FLYWCH2: variants seen among roughly 807,000 people sequenced by gnomAD.
FLYWCH2 encodes the protein FLYWCH family member 2.
In FLYWCH2, 2 loss-of-function variants were observed where a neutral mutation model predicts 6.0. The ratio of observed to expected loss-of-function variants is 0.33; its 90% CI spans 0.14 to 1.04. FLYWCH2 has a LOEUF of 1.04. FLYWCH2 is among the 50% of genes least tolerant of loss of function. FLYWCH2 has a pLI of 0.45. For missense variants in FLYWCH2, 192 were observed against 183.4 expected, an observed-to-expected ratio of 1.05 and a Z score of -0.27; for synonymous variants, 87 against 79.3, an observed-to-expected ratio of 1.10 and a Z score of -0.52.
chr16:2,884,303 G>T (rs1425463265), intron 1 of FLYWCH2, among the ~76,000 whole-genome samples: 1 of 152,056 alleles, frequency 6.6e-6, no homozygotes, highest in Non-Finnish European at 1.5e-5. Flanking sequence ...TCCCCCGTGC[G>T]TATGAAGATG....
At chr16:2,886,906 C>T (rs2069705046) in intron 1 of FLYWCH2, among the ~76,000 whole-genome samples, 2 of 152,068 alleles carry the variant, frequency 1.3e-5, no homozygotes, top group Admixed American at 1.3e-4. Context: ...AGTCCCTTAT[C>T]AGATATATGA....
At position 2,895,303 on chromosome 16, in the gene FLYWCH2, C is replaced by CACT. The variant is rs2069806470; in HGVS notation, c.-114_-112dup. 6.6e-6 allele frequency: 1 copy of CACT among 152,342 alleles called. No homozygotes were observed. Among genetic ancestry groups the CACT allele is most frequent in the African/African-American group, 2.4e-5 (1 of 41,452 alleles). 9.4% of individuals were successfully genotyped at this position (152,342 alleles called of 1,614,324 possible). On this transcript the variant is annotated 5_prime_UTR_variant, in exon 2 of 4. Coordinates refer to ENST00000396958, the MANE Select transcript of FLYWCH2 (RefSeq NM_138439.3). ...CCCCACCCAGCCAGGGCAGCGCCAGCACTAGCTCAGACGCAAGGTTGGTGT... is the reference window on the plus strand; with the variant it reads ...CCCCACCCAGCCAGGGCAGCGCCAGCACTACTAGCTCAGACGCAAGGTTGGTGT...
chr16:2,891,787 G>A (rs952968621), intron 1 of FLYWCH2, among the ~76,000 whole-genome samples: 4 of 151,962 alleles, frequency 2.6e-5, no homozygotes, highest in Admixed American at 2.6e-4. Flanking sequence ...CGAACTCCTG[G>A]GCTTAAGTGA....
intron 1 of FLYWCH2, among the ~76,000 whole-genome samples, chr16:2,893,634 C>CTTTTTT (rs35147234): frequency 1.8e-5 from 2 of 111,926 alleles, no homozygotes; most frequent in East Asian, 2.7e-4. Context: ...TTCTTTTCTT[C>CTTTTTT]TTTTTTTTTT....
At chr16:2,895,422 C>G (rs186353986) in intron 2 of FLYWCH2, 102 bp downstream of exon 2, 1 of 152,142 alleles carries the variant, frequency 6.6e-6, no homozygotes, top group Non-Finnish European at 1.5e-5. Flanking sequence ...GTCAGGAGAT[C>G]GAGACCACGG....
At chr16:2,888,484 C>CAAA (rs76190008) in intron 1 of FLYWCH2, among the ~76,000 whole-genome samples, 29 of 105,792 alleles carry the variant, frequency 2.7e-4, no homozygotes, top group African/African-American at 1.0e-3. Flanking sequence ...TCAGTTTCTC[C>CAAA]AAAAAAAAAA....
At chr16:2,896,928 A>C in intron 3 of FLYWCH2, 157 bp downstream of exon 3, 2 of 726,180 alleles carry the variant, frequency 2.8e-6, no homozygotes, top group Non-Finnish European at 4.4e-6. Flanking sequence ...GTTAGGGCAC[A>C]GGCCTGGGCA....
intron 1 of FLYWCH2, among the ~76,000 whole-genome samples, chr16:2,889,078 G>C (rs772118638): frequency 2.0e-5 from 3 of 151,316 alleles, no homozygotes; most frequent in Non-Finnish European, 2.9e-5. Context: ...ATAAAACACA[G>C]TTCCTACCAG....
chr16:2,896,054 G>A (rs12447354), intron 2 of FLYWCH2, among the ~76,000 whole-genome samples: 82,998 of 152,096 alleles, frequency 0.55, 23,280 homozygotes, highest in African/African-American at 0.63. Context: ...TCAGCATGTG[G>A]GAGGCCCATT....
chr16:2,891,567 T>G (rs1305799266), intron 1 of FLYWCH2, among the ~76,000 whole-genome samples: 1 of 151,558 alleles, frequency 6.6e-6, no homozygotes, highest in African/African-American at 2.4e-5. Flanking sequence ...ACCACGCCCG[T>G]CTAATTTTTT....
At chr16:2,898,332 C>G (rs2069845913) in intron 3 of FLYWCH2, among the ~76,000 whole-genome samples, 1 of 152,122 alleles carries the variant, frequency 6.6e-6, no homozygotes. Flanking sequence ...CTGGCTCTTA[C>G]TGCGAAGCCC....
intron 1 of FLYWCH2, among the ~76,000 whole-genome samples, chr16:2,884,600 C>T (rs533082520): frequency 2.5e-3 from 326 of 132,230 alleles, no homozygotes; most frequent in Non-Finnish European, 3.8e-3. Context: ...TCGGGGCCGG[C>T]GCGGTGGCTC....
intron 1 of FLYWCH2, among the ~76,000 whole-genome samples, chr16:2,883,982 C>T (rs2069669151): frequency 6.6e-6 from 1 of 152,200 alleles, no homozygotes. Flanking sequence ...TCTTGGCCTT[C>T]TTGGGGCAGG....
intron 1 of FLYWCH2, among the ~76,000 whole-genome samples, chr16:2,886,421 T>C (rs1245715348): frequency 6.6e-6 from 1 of 150,574 alleles, no homozygotes; most frequent in Admixed American, 6.6e-5. Flanking sequence ...TTGTCTAGGC[T>C]GATCTCGAAC....
In FLYWCH2 at chr16:2,899,126, G is replaced by C. The variant is rs757118369; in HGVS notation, c.400G>C (p.Val134Leu). The change falls in exon 4 of 4, where the codon GTG (valine) becomes CTG (leucine). Residue 134 changes from valine to leucine, a missense_variant. Physicochemically the swap from Val to Leu is conservative, Grantham distance 32. Transcript: ENST00000396958. ...TGGGGAGAACTTTGCCCCCTGCTCT[G>C]TGGCGCCCGGCAAGTCCCTGTAACC... ...AAGENFAPCSVAPGKSL is the reference protein window; with the variant it reads ...AAGENFAPCSLAPGKSL The C allele has an allele frequency of 6.2e-7, 1 of 1,613,282 alleles. No homozygotes were observed. Among genetic ancestry groups the C allele is most frequent in the African/African-American group, 1.3e-5 (1 of 74,864 alleles).
At chr16:2,895,506 C>T (rs953510541) in intron 2 of FLYWCH2, among the ~76,000 whole-genome samples, 186 bp downstream of exon 2, 7 of 152,184 alleles carry the variant, frequency 4.6e-5, no homozygotes, top group Non-Finnish European at 8.8e-5. Flanking sequence ...CCCAGCTACT[C>T]GGAGAGGTTG....
intron 1 of FLYWCH2, among the ~76,000 whole-genome samples, chr16:2,890,631 G>A (rs1036955026): frequency 1.3e-5 from 2 of 150,990 alleles, no homozygotes; most frequent in African/African-American, 4.9e-5. Flanking sequence ...CACCGTGTTG[G>A]CCAGGTTGTC....
rs201253084 is a variant in FLYWCH2, at chr16:2,896,539, G to A, written c.90G>A (p.Pro30=). The change falls in exon 3 of 4, where the codon CCG becomes CCA. Residue 30 remains proline, a synonymous_variant. Coordinates refer to ENST00000396958, the MANE Select transcript of FLYWCH2 (RefSeq NM_138439.3). ...PSPKPGTEVI[P]AAPRKPRKFS... is the part of the protein sequence containing the mutation. ...CCAAGCCAGGCACAGAAGTCATCCCGGCAGCCCCCAGGAAGCCCAGAAAGT... is the reference window on the plus strand; with the variant it reads ...CCAAGCCAGGCACAGAAGTCATCCCAGCAGCCCCCAGGAAGCCCAGAAAGT... The A allele has an allele frequency of 4.2e-5, 68 of 1,614,108 alleles. No homozygotes were observed. In the African/African-American group the frequency reaches 6.0e-4, roughly 14 times the overall value.
At chr16:2,891,013 T>A (rs1336977908) in intron 1 of FLYWCH2, among the ~76,000 whole-genome samples, 1 of 152,248 alleles carries the variant, frequency 6.6e-6, no homozygotes, top group Non-Finnish European at 1.5e-5. Flanking sequence ...CATTTATGTA[T>A]TCAGTTATTT....
Sources: allele counts gnomAD v4.1 joint callset (sites outside exome capture counted in the v4.1 genomes callset), GRCh38; gene constraint gnomAD v4.1.1; transcripts MANE v1.5; gene names NCBI Gene and HGNC (gene_info 2026-07-23, HGNC 2026-07-21).